The following CORO2B variants were observed in gnomAD, a reference collection of about 807,000 sequenced individuals.
CORO2B encodes coronin 2B, also known as coronin-2B.
CORO2B carries 26 observed loss-of-function variants against 58.8 expected under a neutral mutation model. That is an observed-to-expected ratio of 0.44 (90% CI 0.32 to 0.61). The LOEUF (loss-of-function observed/expected upper bound fraction) is 0.61, where lower values mean the gene tolerates loss of function less well. CORO2B is among the 20% of genes least tolerant of loss of function. The pLI, the probability that CORO2B is intolerant of heterozygous loss-of-function variation, is 0.04. For missense variants in CORO2B, 460 were observed against 645.1 expected, an observed-to-expected ratio of 0.71 and a Z score of 3.11; for synonymous variants, 242 against 253.8, an observed-to-expected ratio of 0.95 and a Z score of 0.44.
intron 3 of CORO2B, among the ~76,000 whole-genome samples, chr15:68,699,831 C>T (rs1892597732): frequency 6.6e-6 from 1 of 152,202 alleles, no homozygotes; most frequent in Admixed American, 6.5e-5. Context: ...AGCCCCTCAC[C>T]AGTGGCCCTG....
At chr15:68,525,831 T>C in the CORO2B span, among the ~76,000 whole-genome samples, 1 of 152,216 alleles carries the variant, frequency 6.6e-6, no homozygotes, top group Non-Finnish European at 1.5e-5. Context: ...TTTTTACAAA[T>C]GTATACATTC....
At chr15:68,556,635 T>C in the CORO2B span, among the ~76,000 whole-genome samples, 3 of 152,236 alleles carry the variant, frequency 2.0e-5, no homozygotes, top group Non-Finnish European at 4.4e-5. Context: ...TCAGGTGTGG[T>C]TGAGTTCCCA....
At chr15:68,608,420 G>A (rs1044582186) in intron 1 of CORO2B, among the ~76,000 whole-genome samples, 3 of 152,210 alleles carry the variant, frequency 2.0e-5, no homozygotes, top group Non-Finnish European at 2.9e-5. Context: ...AACTCCCCTG[G>A]CCAGGCCAGG....
At chr15:68,697,415 T>A (rs1337559992) in intron 3 of CORO2B, among the ~76,000 whole-genome samples, 1 of 152,198 alleles carries the variant, frequency 6.6e-6, no homozygotes, top group Non-Finnish European at 1.5e-5. Flanking sequence ...GTCCATCTAA[T>A]CAGTTATCCA....
intron 1 of CORO2B, among the ~76,000 whole-genome samples, chr15:68,592,341 C>T (rs1047561073): frequency 6.6e-6 from 1 of 152,102 alleles, no homozygotes; most frequent in Non-Finnish European, 1.5e-5. Flanking sequence ...GGATATACCC[C>T]ACCTGTGCTT....
intron 2 of CORO2B, among the ~76,000 whole-genome samples, chr15:68,664,969 T>C (rs1902144811): frequency 6.7e-6 from 1 of 149,396 alleles, no homozygotes; most frequent in African/African-American, 2.5e-5. Context: ...CTTTTTGCAG[T>C]GCAGATTTAT....
intron 1 of CORO2B, among the ~76,000 whole-genome samples, chr15:68,612,783 C>T (rs898496885): frequency 2.0e-5 from 3 of 152,236 alleles, no homozygotes; most frequent in African/African-American, 7.2e-5. Context: ...GCAGGAAGAT[C>T]TTTAGGATTC....
intron 1 of CORO2B, among the ~76,000 whole-genome samples, chr15:68,612,800 C>T (rs1461041384): frequency 1.3e-5 from 2 of 152,244 alleles, no homozygotes; most frequent in African/African-American, 2.4e-5. Flanking sequence ...ATTCCACCAG[C>T]TCTGCAAATC....
chr15:68,519,130 G>T, the CORO2B span, among the ~76,000 whole-genome samples: 2 of 152,288 alleles, frequency 1.3e-5, no homozygotes, highest in East Asian at 3.9e-4. Context: ...AGCTGCAGCT[G>T]CTCCACACCC....
intron 3 of CORO2B, 35 bp downstream of exon 3, chr15:68,695,291 T>C: frequency 6.7e-7 from 1 of 1,496,188 alleles, no homozygotes. Flanking sequence ...GAGGGTGGGC[T>C]CAGGCCCCTC....
At chr15:68,623,389 A>C (rs879811057) in intron 1 of CORO2B, among the ~76,000 whole-genome samples, 2 of 152,276 alleles carry the variant, frequency 1.3e-5, no homozygotes, top group Admixed American at 6.5e-5. Flanking sequence ...TTGGAAGGTC[A>C]TGTGGGAGCC....
At chr15:68,696,442 G>A (rs1028686225) in intron 3 of CORO2B, among the ~76,000 whole-genome samples, 15 of 151,658 alleles carry the variant, frequency 9.9e-5, no homozygotes, top group East Asian at 7.7e-4. Flanking sequence ...CCAGCTATTC[G>A]GAAGGCTGAG....
intron 1 of CORO2B, among the ~76,000 whole-genome samples, chr15:68,633,849 C>A (rs1249236595): frequency 6.6e-6 from 1 of 152,200 alleles, no homozygotes; most frequent in East Asian, 1.9e-4. Context: ...AAGGGGAAGG[C>A]CCATCACCAG....
intron 3 of CORO2B, among the ~76,000 whole-genome samples, chr15:68,698,327 A>C (rs748343432): frequency 6.6e-6 from 1 of 152,078 alleles, no homozygotes; most frequent in Non-Finnish European, 1.5e-5. Flanking sequence ...GACAAATTAG[A>C]CCAGGGCTCC....
At chr15:68,627,438 A>G (rs1900715299) in intron 1 of CORO2B, among the ~76,000 whole-genome samples, 1 of 151,668 alleles carries the variant, frequency 6.6e-6, no homozygotes, top group African/African-American at 2.4e-5. Context: ...GTGGTCAGGG[A>G]AGGTGTGTGT....
At chr15:68,668,269 C>T (rs934216891) in intron 2 of CORO2B, among the ~76,000 whole-genome samples, 7 of 145,814 alleles carry the variant, frequency 4.8e-5, no homozygotes, top group Non-Finnish European at 9.3e-5. Flanking sequence ...CAGGCATGGC[C>T]CAGGGCTGGG....
rs1438086779 is a variant in CORO2B at position 68,645,898 on chromosome 15, C to T, written c.216+538C>T. On this transcript the variant is annotated intron_variant, in intron 2 of 11. Coordinates refer to ENST00000261861, the MANE Select transcript of CORO2B (RefSeq NM_006091.5). The surrounding 1 kb of genome is among the most constrained non-coding windows in gnomAD (Gnocchi z 4.5). Reference sequence around the variant, plus strand: ...AAGCGATTCTCCTGCCTCAGCCTCCCGAGAAGCTGGGATTGCAGGCACGTG... The same window carrying T: ...AAGCGATTCTCCTGCCTCAGCCTCCTGAGAAGCTGGGATTGCAGGCACGTG... Among the ~76,000 whole-genome samples, 2 of 152,070 alleles carry T rather than the reference C, an allele frequency of 1.3e-5. No individual in the cohort carries two copies. The highest frequency in any genetic ancestry group is 6.6e-5 in the Admixed American group (1 of 15,264).
At chr15:68,590,997 G>A (rs656812) in intron 1 of CORO2B, among the ~76,000 whole-genome samples, 118,001 of 152,122 alleles carry the variant, frequency 0.78, 45,863 homozygotes, top group Middle Eastern at 0.88. Context: ...TGAGCCCTGT[G>A]TGCCAGGCCC....
the CORO2B span, among the ~76,000 whole-genome samples, chr15:68,571,994 G>C: frequency 3.3e-5 from 5 of 152,224 alleles, no homozygotes; most frequent in South Asian, 4.1e-4. Flanking sequence ...GAACTCCTGA[G>C]GGGGGCAGAC....
Sources: allele counts gnomAD v4.1 joint callset (sites outside exome capture counted in the v4.1 genomes callset), GRCh38; gene constraint gnomAD v4.1.1; non-coding constraint Gnocchi (gnomAD v3.1); transcripts MANE v1.5; gene names NCBI Gene and HGNC (gene_info 2026-07-23, HGNC 2026-07-21).